Variants in HACL1 observed in about 807,000 individuals in gnomAD.
HACL1 encodes the protein 1600020H07Rik.
HACL1 carries 64 observed loss-of-function variants against 74.2 expected under a neutral mutation model. The ratio of observed to expected loss-of-function variants is 0.86; its 90% CI spans 0.70 to 1.06. The LOEUF (loss-of-function observed/expected upper bound fraction) is 1.06. Among genes scored for constraint, HACL1 ranks in the 50% least tolerant of loss-of-function variants. The pLI is 0.00. For missense variants in HACL1, 728 were observed against 719.7 expected, an observed-to-expected ratio of 1.01 and a Z score of -0.13; for synonymous variants, 230 against 238.8, an observed-to-expected ratio of 0.96 and a Z score of 0.34.
At chr3:15,593,794 G>GTTTTTTTTTTTTT (rs1559563174) in intron 3 of HACL1, among the ~76,000 whole-genome samples, 5 of 116,612 alleles carry the variant, frequency 4.3e-5, no homozygotes, top group Non-Finnish European at 3.6e-5. Flanking sequence ...TTTTTTTTTT[G>GTTTTTTTTTTTTT]TCTTTTTTTT....
intron 9 of HACL1, among the ~76,000 whole-genome samples, chr3:15,578,026 A>C (rs2063655405): frequency 1.3e-5 from 2 of 148,640 alleles, no homozygotes; most frequent in Admixed American, 6.8e-5. Flanking sequence ...TGAACCCAGG[A>C]GACAGAGCTT....
intron 16 of HACL1, among the ~76,000 whole-genome samples, chr3:15,561,748 T>C (rs1360102354): frequency 1.3e-5 from 2 of 151,570 alleles, no homozygotes; most frequent in African/African-American, 4.8e-5. Context: ...TGGCACAATC[T>C]TAGCTCACTG....
chr3:15,588,365 G>A (rs904620848), intron 5 of HACL1, among the ~76,000 whole-genome samples: 6 of 152,142 alleles, frequency 3.9e-5, no homozygotes, highest in African/African-American at 1.4e-4. Flanking sequence ...AGGCCAAGGT[G>A]GTGGATCACT....
In HACL1 at chr3:15,591,594, C is replaced by A; in HGVS notation, c.308+6G>T. The A allele has an allele frequency of 6.5e-7, 1 of 1,538,936 alleles. No individual in the cohort carries two copies. Among genetic ancestry groups the A allele is most frequent in the South Asian group, 1.1e-5 (1 of 89,472 alleles). On this transcript the variant is annotated splice_donor_region_variant and intron_variant, in intron 4 of 16. Transcript: ENST00000321169. The stretch of plus-strand genomic sequence containing the variant: ...AAAATGTTTTCAGTAATAATAATGT[C>A]ATTACCAGCAGTTCATGTTTGCATT...
intron 11 of HACL1, among the ~76,000 whole-genome samples, chr3:15,572,050 G>A (rs2063545873): frequency 6.6e-6 from 1 of 151,768 alleles, no homozygotes; most frequent in African/African-American, 2.4e-5. Context: ...ATGTTGGCCA[G>A]GCTGGTCTCG....
At chr3:15,592,387 C>T (rs548724233) in intron 3 of HACL1, among the ~76,000 whole-genome samples, 2 of 150,792 alleles carry the variant, frequency 1.3e-5, no homozygotes, top group South Asian at 4.2e-4. Context: ...CACGTATACA[C>T]ACACGTGTAT....
At chr3:15,600,545 G>T (rs2064189845) in intron 2 of HACL1, among the ~76,000 whole-genome samples, 1 of 152,208 alleles carries the variant, frequency 6.6e-6, no homozygotes, top group African/African-American at 2.4e-5. Flanking sequence ...CATCAGGCTA[G>T]GATCTGAGCC....
chr3:15,571,758 T>C lies in HACL1; in HGVS notation c.1005A>G (p.Glu335=). 1.5e-6 allele frequency: 2 copies of C among 1,367,944 alleles called. No individual in the cohort carries two copies. The highest frequency in any genetic ancestry group is 2.1e-6 in the Non-Finnish European group (2 of 973,118). 84.7% of individuals were successfully genotyped at this position (1,367,944 alleles called of 1,614,324 possible). Residue 335 remains glutamate (E), a synonymous_variant, in exon 12 of 17, where the codon GAA becomes GAG. Transcript: ENST00000321169. ...GATACTGCCATGGTGTTTTATCAAG[T>C]TCCTCTAAAAGCTTAAAAAAAAAAA... is the stretch of plus-strand genomic sequence containing the variant. The part of the protein sequence containing the change: ...IHAVTKQLLE[E]LDKTPWQYPP...
chr3:15,573,139 A>G lies in HACL1; in HGVS notation c.993+20T>C. 7.0e-7 allele frequency: 1 copy of G among 1,428,584 alleles called. No homozygotes were observed. Among genetic ancestry groups the G allele is most frequent in the Non-Finnish European group, 9.9e-7 (1 of 1,011,498 alleles). 88.5% of individuals were successfully genotyped at this position (1,428,584 alleles called of 1,614,324 possible). A position where few individuals can be genotyped will look rare whatever the true frequency, so the allele number is the denominator to read the frequency against. On this transcript the variant is annotated intron_variant, in intron 11 of 16. Coordinates refer to ENST00000321169, the MANE Select transcript of HACL1 (RefSeq NM_012260.4). ...ATTCCCTAATAAGCACTCCACATAA[A>G]CTAAAACAAAAGTTCTCACCTGCTT...
chr3:15,590,087 A>G (rs1241209676), intron 4 of HACL1, among the ~76,000 whole-genome samples: 1 of 147,602 alleles, frequency 6.8e-6, no homozygotes, highest in African/African-American at 2.5e-5. Context: ...GCAACCTGAT[A>G]TGAGAGAACT....
intron 5 of HACL1, among the ~76,000 whole-genome samples, chr3:15,588,599 GA>G (rs1044968037): frequency 4.2e-5 from 6 of 144,000 alleles, no homozygotes; most frequent in South Asian, 2.2e-4. Context: ...TCTCAAAAAA[GA>G]AAAAAAAAAG....
chr3:15,581,247 C>A (rs2063712290), intron 8 of HACL1, among the ~76,000 whole-genome samples: 1 of 152,196 alleles, frequency 6.6e-6, no homozygotes, highest in African/African-American at 2.4e-5. Context: ...GAATAACCCT[C>A]TGCCCTATTC....
chr3:15,581,104 G>T (rs1043059498), intron 8 of HACL1, among the ~76,000 whole-genome samples: 9 of 152,194 alleles, frequency 5.9e-5, no homozygotes, highest in Admixed American at 4.6e-4. Flanking sequence ...GTTTCACCAT[G>T]TTGGCCAGGA....
At chr3:15,571,820 C>CA in intron 11 of HACL1, 51 bp from the exon 12 acceptor site, 1 of 307,072 alleles carries the variant, frequency 3.3e-6, no homozygotes, top group Non-Finnish European at 5.5e-6. Flanking sequence ...TTTTCTTTGC[C>CA]TTTTTTTTCT....
intron 9 of HACL1, 44 bp downstream of exon 9, chr3:15,579,864 TAA>T: frequency 7.2e-7 from 1 of 1,393,264 alleles, no homozygotes; most frequent in Non-Finnish European, 9.8e-7. Flanking sequence ...TAAATTAGCC[TAA>T]AATCTACCAA....
At chr3:15,579,478 G>GT (rs2063686149) in intron 9 of HACL1, among the ~76,000 whole-genome samples, 1 of 152,158 alleles carries the variant, frequency 6.6e-6, no homozygotes, top group African/African-American at 2.4e-5. Context: ...ATGTCAGACA[G>GT]TATCAAAATG....
intron 11 of HACL1, among the ~76,000 whole-genome samples, chr3:15,572,921 AT>A (rs2125241431): frequency 6.6e-6 from 1 of 152,374 alleles, no homozygotes; most frequent in South Asian, 2.1e-4. Flanking sequence ...CTACTGAAAG[AT>A]GTTACATTTT....
At position 15,582,993 on chromosome 3, in the gene HACL1, G is replaced by GA; in HGVS notation, c.555-5dup. The GA allele has an allele frequency of 6.2e-6, 9 of 1,443,398 alleles. No homozygotes were observed. The highest frequency in any genetic ancestry group is 1.9e-5 in the Admixed American group (1 of 53,776). 89.4% of individuals were successfully genotyped at this position (1,443,398 alleles called of 1,614,324 possible). A position where few individuals can be genotyped will look rare whatever the true frequency, so the allele number is the denominator to read the frequency against. ...TGACATGCAGCGTTCCATGTACCTG[G>GA]AAAAAAAGAGCCCTATTAATTAAAA... On this transcript the variant is annotated splice_polypyrimidine_tract_variant and splice_region_variant and intron_variant, in intron 7 of 16. Transcript: ENST00000321169.
rs75880453 is a variant in HACL1 at position 15,576,028 on chromosome 3, T to C, written c.804-946A>G. ...AAAATTAGCTGGTTGTGGTGGTGCG[T>C]GCCTGTAGTCCCAGCTACTCAGGAG... is the stretch of plus-strand genomic sequence containing the variant. On this transcript the variant is annotated intron_variant, in intron 9 of 16. Coordinates refer to ENST00000321169, the MANE Select transcript of HACL1 (RefSeq NM_012260.4). 3.5e-3 allele frequency among the ~76,000 whole-genome samples: 359 copies of C among 102,912 alleles called. 3 individuals are homozygous for C. Among genetic ancestry groups the C allele is most frequent in the Non-Finnish European group, 5.6e-3 (292 of 52,454 alleles). The allele number at this position is 102,912 out of a possible 152,430, so 67.5% of individuals were successfully genotyped here. A position where few individuals can be genotyped will look rare whatever the true frequency, so the allele number is the denominator to read the frequency against.
Sources: allele counts gnomAD v4.1 joint callset (sites outside exome capture counted in the v4.1 genomes callset), GRCh38; gene constraint gnomAD v4.1.1; transcripts MANE v1.5; gene names NCBI Gene and HGNC (gene_info 2026-07-23, HGNC 2026-07-21).